The following EVC variants were observed in gnomAD, a reference collection of about 807,000 sequenced individuals.
EVC encodes the protein evC complex member EVC.
Under a neutral mutation model 118.9 loss-of-function variants are expected in EVC, and 116 were observed. The ratio of observed to expected loss-of-function variants is 0.98; its 90% CI spans 0.84 to 1.14. The LOEUF (loss-of-function observed/expected upper bound fraction) is 1.14, where lower values mean the gene tolerates loss of function less well. EVC is among the 50% of genes most tolerant of loss of function. EVC has a pLI of 0.00. For missense variants in EVC, 1,401 were observed against 1,246.4 expected (o/e 1.12, Z -1.87); for synonymous variants, 619 against 534.7 (o/e 1.16, Z -2.18).
rs1048787806 is a variant in EVC at position 5,755,576 on chromosome 4, G to A, written c.1465-688G>A. Among the ~76,000 whole-genome samples the A allele has an allele frequency of 2.6e-5, 4 of 152,042 alleles. No homozygotes were observed. Among genetic ancestry groups the A allele is most frequent in the Admixed American group, 6.5e-5 (1 of 15,280 alleles). ...AAAGATCTTAGGGGGTTTACCTCCT[G>A]GTCTCTGCTGCTGCTCGCTGAGCCT... On this transcript the variant is annotated intron_variant, in intron 10 of 20. Coordinates refer to ENST00000264956, the MANE Select transcript of EVC (RefSeq NM_153717.3). The surrounding 1 kb of genome is among the most constrained non-coding windows in gnomAD (Gnocchi z 4.1).
Position 5,813,721 on chromosome 4 carries a change from C to T in EVC, c.*2684C>T, listed in dbSNP as rs1717258297. On this transcript the variant is annotated 3_prime_UTR_variant, in exon 21 of 21. Transcript: ENST00000264956. ...AAGGCTCCCGGCTGCCTCCCCGCCA[C>T]CGAGCTTGTAGCCTGAATGCCTGGC... 1 of 152,212 alleles carries T rather than the reference C, an allele frequency of 6.6e-6. No individual in the cohort carries two copies. The highest frequency in any genetic ancestry group is 1.5e-5 in the Non-Finnish European group (1 of 68,068). 9.4% of individuals were successfully genotyped at this position (152,212 alleles called of 1,614,324 possible).
chr4:5,729,305 A>G lies in EVC; in HGVS notation c.301-2A>G. The G allele has an allele frequency of 6.2e-7, 1 of 1,614,036 alleles. No homozygotes were observed. The highest frequency in any genetic ancestry group is 8.5e-7 in the Non-Finnish European group (1 of 1,179,966). On this transcript the variant is annotated splice_acceptor_variant, in intron 2 of 20. Transcript: ENST00000264956. LOFTEE classifies it high-confidence loss of function. Reference sequence around the variant, plus strand: ...CATGCCGTTTGTGTCTTTCCCTCCCAGGAATGTGAGCCGCCTTCCAACAGC... The same window carrying G: ...CATGCCGTTTGTGTCTTTCCCTCCCGGGAATGTGAGCCGCCTTCCAACAGC...
At chr4:5,768,608 G>A (rs1334395810) in intron 11 of EVC, among the ~76,000 whole-genome samples, 2 of 152,144 alleles carry the variant, frequency 1.3e-5, no homozygotes, top group African/African-American at 4.8e-5. Flanking sequence ...TGTGATCCCA[G>A]CACTTTGGGA....
At chr4:5,715,963 C>T (rs970873864) in intron 1 of EVC, among the ~76,000 whole-genome samples, 4 of 152,112 alleles carry the variant, frequency 2.6e-5, no homozygotes, top group Non-Finnish European at 5.9e-5. Flanking sequence ...AGTCTGGTCT[C>T]GAACTCCTGA....
Position 5,811,046 on chromosome 4 carries a change from C to T in EVC, c.*9C>T, listed in dbSNP as rs1203383767. The T allele has an allele frequency of 1.2e-6, 2 of 1,606,232 alleles. No individual in the cohort carries two copies. Among genetic ancestry groups the T allele is most frequent in the South Asian group, 1.1e-5 (1 of 89,614 alleles). Reference sequence around the variant, plus strand: ...GAAGAAGCAACTTGTAGTTTAAGACCAGTCGGTGGGACAAGACCTGAAGCC... The same window carrying T: ...GAAGAAGCAACTTGTAGTTTAAGACTAGTCGGTGGGACAAGACCTGAAGCC... On this transcript the variant is annotated 3_prime_UTR_variant, in exon 21 of 21. Coordinates refer to ENST00000264956, the MANE Select transcript of EVC (RefSeq NM_153717.3).
downstream of EVC, among the ~76,000 whole-genome samples, chr4:5,815,780 G>A (rs372990226): frequency 5.9e-5 from 9 of 152,064 alleles, no homozygotes; most frequent in East Asian, 3.9e-4. Context: ...CATTTGATTC[G>A]CACCTGACGT....
rs1206352605 is a variant in EVC, at chr4:5,778,300, C to T, written c.1564-5252C>T. ...TGTGAATAGTGCCGCAGTAAACATA[C>T]GTGTGCATATGTCTTTATAGCAGCA... On this transcript the variant is annotated intron_variant, in intron 11 of 20. Transcript: ENST00000264956. 4.6e-5 allele frequency among the ~76,000 whole-genome samples: 7 copies of T among 152,080 alleles called. No individual in the cohort carries two copies. In the South Asian group the frequency reaches 1.0e-3, roughly 23 times the overall value.
chr4:5,793,348 C>A (rs924498838), intron 12 of EVC, among the ~76,000 whole-genome samples: 1 of 152,108 alleles, frequency 6.6e-6, no homozygotes, highest in Non-Finnish European at 1.5e-5. Flanking sequence ...AGATCCCTTC[C>A]TTACTCCACA....
chr4:5,724,043 C>T (rs1217661133), intron 2 of EVC, among the ~76,000 whole-genome samples: 1 of 152,204 alleles, frequency 6.6e-6, no homozygotes, highest in Non-Finnish European at 1.5e-5. Flanking sequence ...TCGATTCCCA[C>T]AGGGAGAATG....
intron 2 of EVC, among the ~76,000 whole-genome samples, chr4:5,720,688 G>A (rs540416127): frequency 2.6e-5 from 4 of 152,330 alleles, no homozygotes; most frequent in Admixed American, 6.5e-5. Context: ...GCATTGCCCT[G>A]CCCTTGGCCA....
Position 5,748,218 on chromosome 4 carries a change from C to G in EVC, c.1010C>G (p.Ser337Cys). The G allele has an allele frequency of 6.2e-7, 1 of 1,614,134 alleles. No individual in the cohort carries two copies. Among genetic ancestry groups the G allele is most frequent in the Non-Finnish European group, 8.5e-7 (1 of 1,180,020 alleles). The change falls in exon 8 of 21, where the codon TCC becomes TGC. Residue 337 changes from serine (S) to cysteine (C), a missense_variant. Physicochemically the swap from Ser to Cys is moderately radical, Grantham distance 112 (BLOSUM62 -1). Transcript: ENST00000264956. ...FLVDQFKCSS[S>C]KARQLMMTLT... ...GTGGACCAGTTTAAGTGTTCCAGCT[C>G]CAAAGCCCGACAGCTGATGATGACT...
chr4:5,804,701 C>T (rs749699233), intron 16 of EVC, 29 bp from the exon 17 acceptor site: 31 of 1,601,284 alleles, frequency 1.9e-5, no homozygotes, highest in Middle Eastern at 3.3e-4. Flanking sequence ...CAAACAGACC[C>T]CTTGATTGTC....
Position 5,753,824 on chromosome 4 carries a change from T to G in EVC, c.1355T>G (p.Leu452Arg). ...GGCAAAGACCTGGTCACGGCGTCTCTGGCTCACCAGGTGGAGGGAACGGCA... is the reference window on the plus strand; with the variant it reads ...GGCAAAGACCTGGTCACGGCGTCTCGGGCTCACCAGGTGGAGGGAACGGCA... Reference protein sequence around the residue: ...QRGKDLVTASLAHQVEGTAKL... With the variant: ...QRGKDLVTASRAHQVEGTAKL... Residue 452 changes from leucine to arginine, a missense_variant, in exon 10 of 21, where the codon CTG (leucine) becomes CGG (arginine). Transcript: ENST00000264956. 6.2e-7 allele frequency: 1 copy of G among 1,614,146 alleles called. No individual in the cohort carries two copies. The highest frequency in any genetic ancestry group is 8.5e-7 in the Non-Finnish European group (1 of 1,180,026).
Position 5,754,059 on chromosome 4 carries a change from G to C in EVC, c.1464+126G>C, listed in dbSNP as rs567167813. 22 of 1,256,580 alleles carry C rather than the reference G, an allele frequency of 1.8e-5. No individual in the cohort carries two copies. The Middle Eastern group carries it at 1.1e-3, about 61-fold the overall frequency. The allele number at this position is 1,256,580 out of a possible 1,614,324, so 77.8% of individuals were successfully genotyped here. A position where few individuals can be genotyped will look rare whatever the true frequency, so the allele number is the denominator to read the frequency against. On this transcript the variant is annotated intron_variant, in intron 10 of 20. Transcript: ENST00000264956. This position sits in a 1 kb window ranked among gnomAD's most constrained non-coding sequence, Gnocchi z 5.8. ...TTATCTGCCTACTTCCCATGTGTCA[G>C]CCGAGTGACCGAATCTCAGTCCCTT...
At chr4:5,730,095 T>C (rs1418393950) in intron 3 of EVC, among the ~76,000 whole-genome samples, 1 of 152,182 alleles carries the variant, frequency 6.6e-6, no homozygotes, top group African/African-American at 2.4e-5. Flanking sequence ...CCTAACCCCA[T>C]CTCAGCCATT....
rs550761518 is a variant in EVC, at chr4:5,755,958, A to G, written c.1465-306A>G. Among the ~76,000 whole-genome samples, 8 of 152,246 alleles carry G rather than the reference A, an allele frequency of 5.3e-5. No individual in the cohort carries two copies. The South Asian group carries it at 1.7e-3, about 32-fold the overall frequency. On this transcript the variant is annotated intron_variant, in intron 10 of 20. Transcript: ENST00000264956. This position sits in a 1 kb window ranked among gnomAD's most constrained non-coding sequence, Gnocchi z 4.1. ...GTCTTCCATGGCCTGGGTGGTCAGA[A>G]AGTGATGTCTGGGTGGCTGCAGCCA...
At chr4:5,792,382 G>A (rs1712956328) in intron 12 of EVC, among the ~76,000 whole-genome samples, 1 of 152,178 alleles carries the variant, frequency 6.6e-6, no homozygotes, top group Non-Finnish European at 1.5e-5. Context: ...TTATACTTTA[G>A]GCAGAAAACT....
At chr4:5,778,582 A>T (rs1262868555) in intron 11 of EVC, among the ~76,000 whole-genome samples, 1 of 152,146 alleles carries the variant, frequency 6.6e-6, no homozygotes, top group Non-Finnish European at 1.5e-5. Flanking sequence ...CATTTCTCTG[A>T]TGGCCATTGA....
intron 5 of EVC, among the ~76,000 whole-genome samples, chr4:5,740,834 A>G (rs919948489): frequency 1.3e-5 from 2 of 152,226 alleles, no homozygotes; most frequent in Non-Finnish European, 2.9e-5. Context: ...ACACGTAAAA[A>G]GGTGTTCAAT....
Sources: allele counts gnomAD v4.1 joint callset (sites outside exome capture counted in the v4.1 genomes callset), GRCh38; gene constraint gnomAD v4.1.1; non-coding constraint Gnocchi (gnomAD v3.1); transcripts MANE v1.5; gene names NCBI Gene and HGNC (gene_info 2026-07-23, HGNC 2026-07-21).